MACROD2: variants seen among roughly 807,000 people sequenced by gnomAD.
MACROD2 encodes the protein ADP-ribose glycohydrolase MACROD2.
A neutral mutation model predicts 70.4 loss-of-function variants in MACROD2; 36 were observed. That is an observed-to-expected ratio of 0.51 (90% CI 0.39 to 0.68). The LOEUF is 0.68. Among genes scored for constraint, MACROD2 ranks in the 30% least tolerant of loss-of-function variants. The pLI, the probability that MACROD2 is intolerant of heterozygous loss-of-function variation, is 0.00. For synonymous variants in MACROD2, 172 were observed against 178.8 expected, an observed-to-expected ratio of 0.96 and a Z score of 0.30; for missense variants, 496 against 538.4, an observed-to-expected ratio of 0.92 and a Z score of 0.78.
intron 3 of MACROD2, among the ~76,000 whole-genome samples, chr20:14,250,705 A>T (rs897163406): frequency 6.6e-6 from 1 of 152,116 alleles, no homozygotes; most frequent in Non-Finnish European, 1.5e-5. Flanking sequence ...AGTATATGTA[A>T]TTTATTTCCA....
chr20:14,985,868 G>T (rs749089437), intron 5 of MACROD2, among the ~76,000 whole-genome samples: 10 of 151,938 alleles, frequency 6.6e-5, no homozygotes, highest in Admixed American at 2.0e-4. Flanking sequence ...CAAACTCCTG[G>T]CCTCAAACAA....
intron 8 of MACROD2, among the ~76,000 whole-genome samples, chr20:15,783,483 T>C (rs970513206): frequency 2.0e-5 from 3 of 152,088 alleles, no homozygotes; most frequent in Admixed American, 6.5e-5. Context: ...TCCAGTCCTA[T>C]TGGAGGGGTA....
intron 5 of MACROD2, among the ~76,000 whole-genome samples, chr20:14,979,402 T>G (rs897026570): frequency 6.6e-6 from 1 of 152,160 alleles, no homozygotes; most frequent in Admixed American, 6.5e-5. Flanking sequence ...CCATTGTGTG[T>G]TGAAATGTAA....
At chr20:15,224,078 G>A (rs774799215) in intron 5 of MACROD2, among the ~76,000 whole-genome samples, 1 of 152,144 alleles carries the variant, frequency 6.6e-6, no homozygotes, top group Non-Finnish European at 1.5e-5. Context: ...TGTCAGTCCA[G>A]CCTTTGGCTC....
At chr20:14,822,021 A>C (rs953812356) in intron 5 of MACROD2, among the ~76,000 whole-genome samples, 1 of 152,138 alleles carries the variant, frequency 6.6e-6, no homozygotes, top group African/African-American at 2.4e-5. Flanking sequence ...AAATCCATAA[A>C]GTAGGTATTT....
At chr20:16,013,927 T>C (rs2066897327) in intron 15 of MACROD2, among the ~76,000 whole-genome samples, 1 of 152,212 alleles carries the variant, frequency 6.6e-6, no homozygotes, top group Non-Finnish European at 1.5e-5. Context: ...AGCACTGTAT[T>C]GAATAGAGGA....
intron 8 of MACROD2, among the ~76,000 whole-genome samples, chr20:15,514,985 C>T (rs933338121): frequency 1.3e-5 from 2 of 152,210 alleles, no homozygotes; most frequent in African/African-American, 4.8e-5. Context: ...AGCATTATCC[C>T]ATGTCACCCT....
chr20:15,130,042 T>A (rs1229886594), intron 5 of MACROD2, among the ~76,000 whole-genome samples: 2 of 152,086 alleles, frequency 1.3e-5, no homozygotes, highest in East Asian at 3.9e-4. Context: ...CATTTTACGA[T>A]GAACATTAAA....
At chr20:14,515,461 A>ACACACACACACACGCG (rs571641283) in intron 4 of MACROD2, among the ~76,000 whole-genome samples, 883 of 80,824 alleles carry the variant, frequency 0.011, 8 homozygotes, top group African/African-American at 0.042. Flanking sequence ...AGATACACAC[A>ACACACACACACACGCG]CACGCACACA....
At chr20:14,869,949 AT>A (rs2073469572) in intron 5 of MACROD2, among the ~76,000 whole-genome samples, 1 of 152,036 alleles carries the variant, frequency 6.6e-6, no homozygotes, top group Non-Finnish European at 1.5e-5. Context: ...AGGCTCTGCT[AT>A]TTTTTAAGCT....
chr20:14,773,980 C>T (rs537723502), intron 5 of MACROD2, among the ~76,000 whole-genome samples: 5 of 152,166 alleles, frequency 3.3e-5, no homozygotes, highest in Admixed American at 1.3e-4. Context: ...CTTTTTCAAA[C>T]AAATCTCATT....
chr20:14,595,503 C>T (rs970989252), intron 4 of MACROD2, among the ~76,000 whole-genome samples: 1 of 152,134 alleles, frequency 6.6e-6, no homozygotes, highest in Non-Finnish European at 1.5e-5. Context: ...CCGGGAACCC[C>T]CTTACACTTG....
At chr20:15,532,125 C>T (rs2047811865) in intron 8 of MACROD2, among the ~76,000 whole-genome samples, 1 of 151,934 alleles carries the variant, frequency 6.6e-6, no homozygotes. Flanking sequence ...TTTAATGAAA[C>T]ATTTTTAAAT....
intron 5 of MACROD2, among the ~76,000 whole-genome samples, chr20:15,215,631 A>C (rs1432434775): frequency 6.6e-6 from 1 of 152,060 alleles, no homozygotes; most frequent in Non-Finnish European, 1.5e-5. Context: ...ATGTTAAGTG[A>C]ATTAAAATCC....
intron 5 of MACROD2, among the ~76,000 whole-genome samples, chr20:14,842,290 G>C (rs2073095737): frequency 2.0e-5 from 3 of 151,982 alleles, no homozygotes; most frequent in African/African-American, 4.8e-5. Flanking sequence ...ACCTCTTAGA[G>C]GTCCCACCTC....
chr20:15,797,975 A>AT (rs2063690338), intron 8 of MACROD2, among the ~76,000 whole-genome samples: 1 of 152,330 alleles, frequency 6.6e-6, no homozygotes, highest in Admixed American at 6.5e-5. Context: ...TAAATATCTT[A>AT]TTTTTGGAAG....
chr20:14,755,385 T>C (rs1729711822), intron 5 of MACROD2, among the ~76,000 whole-genome samples: 2 of 152,116 alleles, frequency 1.3e-5, no homozygotes, highest in Admixed American at 1.3e-4. Context: ...TCATGTACTT[T>C]AGAATGCCAT....
intron 5 of MACROD2, among the ~76,000 whole-genome samples, chr20:15,095,488 GT>G (rs943622874): frequency 2.6e-5 from 4 of 151,800 alleles, no homozygotes; most frequent in African/African-American, 7.3e-5. Context: ...AAGATTTATA[GT>G]TTTTTGTTTT....
At chr20:15,898,098 G>T (rs547656396) in intron 10 of MACROD2, among the ~76,000 whole-genome samples, 5 of 152,284 alleles carry the variant, frequency 3.3e-5, no homozygotes, top group African/African-American at 1.2e-4. Context: ...TCTCAACAGA[G>T]ACCTTTTTTT....
Sources: gnomAD v4.1 joint callset for allele counts (sites outside exome capture counted in the v4.1 genomes callset) on GRCh38, gnomAD v4.1.1 for gene constraint, MANE v1.5 for transcripts, NCBI Gene and HGNC (gene_info 2026-07-23, HGNC 2026-07-21) for gene names.